Variants in AGBL1 observed in about 807,000 individuals in gnomAD.
AGBL1 encodes AGBL carboxypeptidase 1, also known as cytosolic carboxypeptidase 4.
AGBL1 carries 130 observed loss-of-function variants against 118.9 expected under a neutral mutation model. The observed-to-expected ratio is 1.09, with a 90% CI of 0.95 to 1.26. The LOEUF is 1.26. Among genes scored for constraint, AGBL1 ranks in the 50% most tolerant of loss-of-function variants. AGBL1 has a pLI of 0.00. For missense variants in AGBL1, 1,584 were observed against 1,298.1 expected (o/e 1.22, Z -3.38); for synonymous variants, 555 against 478.9 (o/e 1.16, Z -2.08).
At chr15:86,324,811 G>T (rs1477508455) in intron 17 of AGBL1, among the ~76,000 whole-genome samples, 2 of 152,204 alleles carry the variant, frequency 1.3e-5, no homozygotes, top group Non-Finnish European at 1.5e-5. Context: ...ACAAGAGTTT[G>T]CCATTTGAGA....
At chr15:86,544,427 G>A (rs1351926252) in intron 19 of AGBL1, among the ~76,000 whole-genome samples, 1 of 152,160 alleles carries the variant, frequency 6.6e-6, no homozygotes, top group African/African-American at 2.4e-5. Context: ...CTACATAGCT[G>A]TATTAGTCTG....
At chr15:86,636,742 TATATATATATATATATACAC>T (rs1391594065) in intron 21 of AGBL1, among the ~76,000 whole-genome samples, 18 of 54,780 alleles carry the variant, frequency 3.3e-4, no homozygotes, top group African/African-American at 1.6e-3. Flanking sequence ...TATATATATA[TATATATATATATATATACAC>T]ATACATACAG....
intron 18 of AGBL1, among the ~76,000 whole-genome samples, chr15:86,504,394 C>T (rs574876090): frequency 7.3e-5 from 11 of 151,434 alleles, no homozygotes; most frequent in Non-Finnish European, 1.6e-4. Context: ...ATTGTTTAAT[C>T]CATTTACATT....
intron 22 of AGBL1, among the ~76,000 whole-genome samples, chr15:86,786,152 G>T (rs1407227753): frequency 6.6e-6 from 1 of 151,978 alleles, no homozygotes; most frequent in African/African-American, 2.4e-5. Context: ...CATGTGCACA[G>T]TGTGCAGGTT....
chr15:86,621,524 G>A (rs2084804084), intron 21 of AGBL1, among the ~76,000 whole-genome samples: 1 of 151,988 alleles, frequency 6.6e-6, no homozygotes, highest in African/African-American at 2.4e-5. Context: ...ATCTTCACAG[G>A]GCCATCTTCT....
At chr15:86,894,494 G>T (rs2080094875) in intron 22 of AGBL1, among the ~76,000 whole-genome samples, 1 of 152,148 alleles carries the variant, frequency 6.6e-6, no homozygotes, top group South Asian at 2.1e-4. Context: ...GTAGAATGCT[G>T]CCCTTAGAAG....
chr15:86,968,378 C>G (rs1397229229), intron 23 of AGBL1, among the ~76,000 whole-genome samples: 1 of 151,928 alleles, frequency 6.6e-6, no homozygotes, highest in Non-Finnish European at 1.5e-5. Flanking sequence ...AAAACGACTT[C>G]TAAGCACAAA....
At chr15:86,554,601 G>C (rs1567054895) in intron 21 of AGBL1, 64 bp downstream of exon 21, 1 of 1,347,272 alleles carries the variant, frequency 7.4e-7, no homozygotes, top group Non-Finnish European at 9.6e-7. Context: ...ATTATAGACA[G>C]CTCGTACCTG....
chr15:86,812,550 T>A (rs557078370), intron 22 of AGBL1, among the ~76,000 whole-genome samples: 1 of 152,326 alleles, frequency 6.6e-6, no homozygotes, highest in East Asian at 1.9e-4. Context: ...CCTTAATGAT[T>A]GAACCCCAAG....
At chr15:86,233,297 C>T (rs999916377) in intron 6 of AGBL1, among the ~76,000 whole-genome samples, 1 of 152,112 alleles carries the variant, frequency 6.6e-6, no homozygotes, top group African/African-American at 2.4e-5. Context: ...AAACTGAAAT[C>T]AAACACTTGA....
chr15:86,128,135 A>G (rs1033946472), intron 1 of AGBL1, among the ~76,000 whole-genome samples: 4 of 152,308 alleles, frequency 2.6e-5, no homozygotes, highest in African/African-American at 7.2e-5. Flanking sequence ...TAATAAAGAC[A>G]TACTTGAGAC....
chr15:86,834,356 C>A (rs1437204373), intron 22 of AGBL1, among the ~76,000 whole-genome samples: 1 of 152,114 alleles, frequency 6.6e-6, no homozygotes, highest in Non-Finnish European at 1.5e-5. Flanking sequence ...GAAGGGAGAT[C>A]ATGAATGTCA....
chr15:86,968,589 G>A (rs72755685), intron 23 of AGBL1, among the ~76,000 whole-genome samples: 6,338 of 151,878 alleles, frequency 0.042, 163 homozygotes, highest in Middle Eastern at 0.071. Flanking sequence ...AACTAAATTT[G>A]GTCTGATTTT....
chr15:86,231,330 C>T (rs2078451816), intron 6 of AGBL1, among the ~76,000 whole-genome samples: 1 of 152,168 alleles, frequency 6.6e-6, no homozygotes, highest in Non-Finnish European at 1.5e-5. Flanking sequence ...TTCAGTATGC[C>T]TTGGTGAAGA....
chr15:86,547,686 C>T (rs1364501554), intron 20 of AGBL1, among the ~76,000 whole-genome samples: 1 of 152,130 alleles, frequency 6.6e-6, no homozygotes. Context: ...AATAGCAATG[C>T]TGTTAAAAAG....
In AGBL1 at chr15:86,911,435, T is replaced by G. The variant is rs1293668288; in HGVS notation, c.*4141T>G. On this transcript the variant is annotated 3_prime_UTR_variant, in exon 23 of 23. Transcript: ENST00000614907. ...TAACACTTCCCTCTGGCAAGAGGCT[T>G]TGTGGCTTCACATTTCCTTCAGAAG... The G allele has an allele frequency of 6.6e-6, 1 of 152,120 alleles. No individual in the cohort carries two copies. The highest frequency in any genetic ancestry group is 1.5e-5 in the Non-Finnish European group (1 of 68,048). The allele number at this position is 152,120 out of a possible 1,614,324, so 9.4% of individuals were successfully genotyped here.
intron 18 of AGBL1, among the ~76,000 whole-genome samples, chr15:86,468,402 G>A (rs1342430730): frequency 2.0e-5 from 3 of 152,098 alleles, no homozygotes; most frequent in African/African-American, 4.8e-5. Context: ...TTAAGCTTGG[G>A]GTGTAGTTTC....
chr15:86,606,421 C>T (rs1464655308), intron 21 of AGBL1, among the ~76,000 whole-genome samples: 1 of 152,124 alleles, frequency 6.6e-6, no homozygotes, highest in Non-Finnish European at 1.5e-5. Flanking sequence ...TTATCTTCGT[C>T]TAAGTTACAC....
intron 1 of AGBL1, among the ~76,000 whole-genome samples, chr15:86,113,879 C>T (rs1897592011): frequency 6.6e-6 from 1 of 152,150 alleles, no homozygotes; most frequent in South Asian, 2.1e-4. Flanking sequence ...ATTTACAGTG[C>T]TTATTCTCCA....
Sources: gnomAD v4.1 joint callset for allele counts (sites outside exome capture counted in the v4.1 genomes callset) on GRCh38, gnomAD v4.1.1 for gene constraint, MANE v1.5 for transcripts, NCBI Gene and HGNC (gene_info 2026-07-23, HGNC 2026-07-21) for gene names.